The following SEC31B variants were observed in gnomAD, a reference collection of about 807,000 sequenced individuals.
SEC31B encodes the protein SEC31 homolog B, COPII component.
A neutral mutation model predicts 135.0 loss-of-function variants in SEC31B; 113 were observed. The observed-to-expected ratio is 0.84, with a 90% confidence interval of 0.72 to 0.98. The LOEUF (loss-of-function observed/expected upper bound fraction) is 0.98, where lower values mean the gene tolerates loss of function less well. SEC31B is among the 50% of genes least tolerant of loss of function. SEC31B has a pLI of 0.00. For synonymous variants in SEC31B, 508 were observed against 549.4 expected (o/e 0.92, Z 1.05); for missense variants, 1,296 against 1,421.1 (o/e 0.91, Z 1.42).
In SEC31B at chr10:100,505,731, G is replaced by A. The variant is rs1851617696; in HGVS notation, c.1045-236C>T. On this transcript the variant is annotated intron_variant, in intron 9 of 25. Coordinates refer to ENST00000370345, the MANE Select transcript of SEC31B (RefSeq NM_015490.4). ...TCTACAATGGAGTGTGGCACAAAAT[G>A]GATCTATAGAAGAGAGAAAGATAAG... 3.5e-6 allele frequency: 5 copies of A among 1,410,630 alleles called. No individual in the cohort carries two copies. The Admixed American group carries it at 1.2e-4, about 34-fold the overall frequency. 87.4% of individuals were successfully genotyped at this position (1,410,630 alleles called of 1,614,324 possible).
At chr10:100,496,860 G>C (rs1851419505) in intron 17 of SEC31B, among the ~76,000 whole-genome samples, 1 of 152,144 alleles carries the variant, frequency 6.6e-6, no homozygotes, top group Non-Finnish European at 1.5e-5. Context: ...GCTAATAGAA[G>C]GGCCAAGCCA....
At chr10:100,516,520 G>A (rs1364253960) in intron 2 of SEC31B, among the ~76,000 whole-genome samples, 4 of 151,842 alleles carry the variant, frequency 2.6e-5, no homozygotes, top group East Asian at 1.9e-4. Context: ...GTGGTGGTGG[G>A]TACCTGTAGT....
At position 100,495,512 on chromosome 10, in the gene SEC31B, T is replaced by C; in HGVS notation, c.2345A>G (p.His782Arg). The change falls in exon 19 of 26, where the codon CAT (histidine) becomes CGT (arginine). Residue 782 changes from histidine (H) to arginine (R), a missense_variant. His to Arg is a conservative substitution (Grantham distance 29). Transcript: ENST00000370345. ...PVQQLRDRLFHAQGSAVLGQQ... is the reference protein window; with the variant it reads ...PVQQLRDRLFRAQGSAVLGQQ... The stretch of plus-strand genomic sequence containing the variant: ...GCCCAAGACAGCAGAACCTTGAGCA[T>C]GAAAAAGCCGATCTCTTAGCTGCTG... The C allele has an allele frequency of 3.7e-6, 6 of 1,613,912 alleles. No individual in the cohort carries two copies. Among genetic ancestry groups the C allele is most frequent in the Non-Finnish European group, 5.1e-6 (6 of 1,179,950 alleles).
At chr10:100,517,085 TAGGGCATTTC>T in intron 1 of SEC31B, 88 bp from the exon 2 acceptor site, 1 of 676,428 alleles carries the variant, frequency 1.5e-6, no homozygotes, top group Non-Finnish European at 2.6e-6. Context: ...CATCACAAGA[TAGGGCATTTC>T]AGGGCAACAC....
At chr10:100,500,459 C>T (rs1380484864) in intron 11 of SEC31B, among the ~76,000 whole-genome samples, 6 of 151,998 alleles carry the variant, frequency 3.9e-5, no homozygotes, top group African/African-American at 1.2e-4. Flanking sequence ...GAATTACAGG[C>T]GCCCTCAACC....
intron 3 of SEC31B, among the ~76,000 whole-genome samples, chr10:100,509,777 T>C (rs929286019): frequency 1.3e-5 from 2 of 152,172 alleles, no homozygotes; most frequent in African/African-American, 4.8e-5. Flanking sequence ...TACATATATA[T>C]GTACATTTTT....
At chr10:100,518,458 T>TATTGAC (rs1222316674) in intron 1 of SEC31B, among the ~76,000 whole-genome samples, 2 of 152,222 alleles carry the variant, frequency 1.3e-5, no homozygotes, top group Non-Finnish European at 2.9e-5. Context: ...TATTTATTTA[T>TATTGAC]ATTGACATTG....
At chr10:100,493,712 A>G (rs992172390) in intron 19 of SEC31B, among the ~76,000 whole-genome samples, 5 of 152,226 alleles carry the variant, frequency 3.3e-5, no homozygotes, top group Non-Finnish European at 7.3e-5. Context: ...CAATGTGACA[A>G]AACTGCATAA....
Position 100,508,929 on chromosome 10 carries a change from T to C in SEC31B, c.495+78A>G, listed in dbSNP as rs1851684590. 7.0e-6 allele frequency: 8 copies of C among 1,136,556 alleles called. No homozygotes were observed. The East Asian group carries it at 9.5e-5, about 13-fold the overall frequency. 70.4% of individuals were successfully genotyped at this position (1,136,556 alleles called of 1,614,324 possible). On this transcript the variant is annotated intron_variant, in intron 5 of 25. Coordinates refer to ENST00000370345, the MANE Select transcript of SEC31B (RefSeq NM_015490.4). The stretch of plus-strand genomic sequence containing the variant: ...AAGTTTGATATCTCTTGAGCTCTGA[T>C]TGGCTCCAGAACTCAAGACTTTTAC...
At position 100,505,352 on chromosome 10, in the gene SEC31B, T is replaced by C. The variant is rs1851608711; in HGVS notation, c.1179+9A>G. The C allele has an allele frequency of 6.2e-7, 1 of 1,612,530 alleles. No homozygotes were observed. Among genetic ancestry groups the C allele is most frequent in the Non-Finnish European group, 8.5e-7 (1 of 1,179,266 alleles). ...AACACACACACACCTATACATCCAC[T>C]ACACTTACAGCAAATGAAACACCTG... On this transcript the variant is annotated intron_variant, in intron 10 of 25. Coordinates refer to ENST00000370345, the MANE Select transcript of SEC31B (RefSeq NM_015490.4).
At chr10:100,519,663 G>A (rs1461737713) in intron 1 of SEC31B, 119 bp downstream of exon 1, 1 of 152,312 alleles carries the variant, frequency 6.6e-6, no homozygotes, top group Non-Finnish European at 1.5e-5. Flanking sequence ...GGCAGGCGCG[G>A]GCCGGGGGCT....
rs560018863 is a variant in SEC31B, at chr10:100,488,845, G to T, written c.3288+13C>A. On this transcript the variant is annotated intron_variant, in intron 24 of 25. Coordinates refer to ENST00000370345, the MANE Select transcript of SEC31B (RefSeq NM_015490.4). ...GGTGCGAGGAGGGCACTGTGAAGAAGGTTCAGACTTACTAAGTCAGTTGCA... is the reference window on the plus strand; with the variant it reads ...GGTGCGAGGAGGGCACTGTGAAGAATGTTCAGACTTACTAAGTCAGTTGCA... The T allele has an allele frequency of 1.4e-4, 220 of 1,576,058 alleles. 3 individuals are homozygous for T. The South Asian group carries it at 2.5e-3, about 18-fold the overall frequency.
intron 19 of SEC31B, among the ~76,000 whole-genome samples, chr10:100,493,582 T>C (rs1342948230): frequency 6.6e-6 from 1 of 152,160 alleles, no homozygotes; most frequent in Non-Finnish European, 1.5e-5. Flanking sequence ...CTGGAGAACA[T>C]ATTGGTGAAG....
chr10:100,509,528 C>T lies in SEC31B; in HGVS notation c.204-17G>A. On this transcript the variant is annotated splice_polypyrimidine_tract_variant and intron_variant, in intron 3 of 25. Transcript: ENST00000370345. The stretch of plus-strand genomic sequence containing the variant: ...TTGTGAAACCTATAAAGAGGAGGAA[C>T]TGGCATCAGTACAAACTTAGGTTCA... 1.0e-5 allele frequency: 16 copies of T among 1,591,734 alleles called. No individual in the cohort carries two copies. Among genetic ancestry groups the T allele is most frequent in the Non-Finnish European group, 1.3e-5 (15 of 1,166,766 alleles).
chr10:100,513,286 G>C (rs1330709329), intron 3 of SEC31B, among the ~76,000 whole-genome samples: 1 of 152,138 alleles, frequency 6.6e-6, no homozygotes, highest in Admixed American at 6.5e-5. Flanking sequence ...TTATCAGTAG[G>C]GTTAACTGTG....
At position 100,498,026 on chromosome 10, in the gene SEC31B, T is replaced by A; in HGVS notation, c.1863+3A>T. The stretch of plus-strand genomic sequence containing the variant: ...CTTCTTCTCCTGCATGATGGGCAGT[T>A]ACCGAGGAGATTTTGGTTTTCTTCT... On this transcript the variant is annotated splice_donor_region_variant and intron_variant, in intron 15 of 25. Transcript: ENST00000370345. The A allele has an allele frequency of 6.2e-7, 1 of 1,614,168 alleles. No individual in the cohort carries two copies. Among genetic ancestry groups the A allele is most frequent in the Non-Finnish European group, 8.5e-7 (1 of 1,179,996 alleles).
intron 5 of SEC31B, chr10:100,508,445 T>C (rs1377709638): frequency 6.3e-6 from 3 of 473,790 alleles, no homozygotes; most frequent in Non-Finnish European, 1.3e-5. Flanking sequence ...TGCTATCAAA[T>C]TGAAACTTAA....
chr10:100,487,682 G>A lies in SEC31B; in HGVS notation c.3474C>T (p.Ser1158=), dbSNP rs747700895. Residue 1158 remains serine (S), a synonymous_variant, in exon 26 of 26, where the codon AGC becomes AGT. Coordinates refer to ENST00000370345, the MANE Select transcript of SEC31B (RefSeq NM_015490.4). The stretch of plus-strand genomic sequence containing the variant: ...GGATAGGCATGAAGCTGGACACCTC[G>A]CTGAAGCTGCTACAGCCCGCCACCT... ...HAQVAGCSSF[S]EVSSFMPILK... 2.4e-5 allele frequency: 39 copies of A among 1,613,632 alleles called. 1 individual carries two copies. The highest frequency in any genetic ancestry group is 5.0e-5 in the Admixed American group (3 of 59,960).
intron 12 of SEC31B, 79 bp from the exon 13 acceptor site, chr10:100,499,337 C>A: frequency 8.2e-7 from 1 of 1,217,294 alleles, no homozygotes; most frequent in South Asian, 1.3e-5. Context: ...TATCTCCATA[C>A]CCCACCAACT....
Sources: allele counts gnomAD v4.1 joint callset (sites outside exome capture counted in the v4.1 genomes callset), GRCh38; gene constraint gnomAD v4.1.1; transcripts MANE v1.5; gene names NCBI Gene and HGNC (gene_info 2026-07-23, HGNC 2026-07-21).